Variants in FHIP1A observed in about 807,000 individuals in gnomAD.
The protein encoded by FHIP1A is FHF complex subunit HOOK-interacting protein 1A.
In FHIP1A, 61 loss-of-function variants were observed where a neutral mutation model predicts 88.6. The observed-to-expected ratio is 0.69, with a 90% CI of 0.56 to 0.85. The LOEUF is 0.85. FHIP1A is among the 40% of genes least tolerant of loss of function. The pLI is 0.00. For missense variants in FHIP1A, 1,154 were observed against 1,273.5 expected (o/e 0.91, Z 1.43); for synonymous variants, 478 against 496.0 (o/e 0.96, Z 0.48).
intron 1 of FHIP1A, among the ~76,000 whole-genome samples, chr4:151,453,820 G>C (rs575350913): frequency 7.2e-5 from 11 of 152,202 alleles, no homozygotes; most frequent in South Asian, 2.1e-4. Flanking sequence ...GGTGAGCCGA[G>C]ATAGCACCAT....
At chr4:151,593,082 G>A (rs1734500970) in intron 7 of FHIP1A, among the ~76,000 whole-genome samples, 1 of 152,150 alleles carries the variant, frequency 6.6e-6, no homozygotes, top group Admixed American at 6.5e-5. Context: ...TAGATGTGTA[G>A]CATTATTCCT....
At position 151,452,702 on chromosome 4, in the gene FHIP1A, A is replaced by C. The variant is rs372103000; in HGVS notation, c.-355-1999A>C. Among the ~76,000 whole-genome samples the C allele has an allele frequency of 7.9e-5, 12 of 152,048 alleles. 2 individuals are homozygous for C. The South Asian group carries it at 2.5e-3, about 32-fold the overall frequency. On this transcript the variant is annotated intron_variant, in intron 1 of 13. Transcript: ENST00000435205. ...TGAGGCATGAGAATTGCTTGAACCC[A>C]GTAGGCAGAGGTTGCAGTGAGCAGA...
chr4:151,426,033 A>C (rs1322677520), intron 1 of FHIP1A, among the ~76,000 whole-genome samples: 1 of 152,166 alleles, frequency 6.6e-6, no homozygotes, highest in Non-Finnish European at 1.5e-5. Flanking sequence ...TAGGAAGTGA[A>C]TATCTCTTTG....
At chr4:151,412,606 T>C (rs1217902411) in intron 1 of FHIP1A, among the ~76,000 whole-genome samples, 3 of 138,686 alleles carry the variant, frequency 2.2e-5, no homozygotes, top group African/African-American at 5.6e-5. Context: ...CTTCCTTCCT[T>C]CCTTCCTCCC....
At position 151,534,299 on chromosome 4, in the gene FHIP1A, A is replaced by G. The variant is rs189247750; in HGVS notation, c.-122-31839A>G. 3.6e-3 allele frequency among the ~76,000 whole-genome samples: 545 copies of G among 152,388 alleles called. 13 individuals carry two copies. Among genetic ancestry groups the G allele is most frequent in the Non-Finnish European group, 7.6e-4 (52 of 68,044 alleles). Reference sequence around the variant, plus strand: ...ATGTTAAAGGTATGTTACTTATAATAGAAACACTAATAGTAAACAACATCT... The same window carrying G: ...ATGTTAAAGGTATGTTACTTATAATGGAAACACTAATAGTAAACAACATCT... On this transcript the variant is annotated intron_variant, in intron 3 of 13. Coordinates refer to ENST00000435205, the MANE Select transcript of FHIP1A (RefSeq NM_001109977.3).
intron 2 of FHIP1A, among the ~76,000 whole-genome samples, chr4:151,479,609 C>T (rs1021525391): frequency 2.0e-5 from 3 of 152,128 alleles, no homozygotes; most frequent in East Asian, 1.9e-4. Context: ...TCCAGGAAAG[C>T]GTTTGATTAT....
At chr4:151,526,392 C>A (rs1228844208) in intron 3 of FHIP1A, among the ~76,000 whole-genome samples, 1 of 150,434 alleles carries the variant, frequency 6.6e-6, no homozygotes, top group Non-Finnish European at 1.5e-5. Context: ...GGGGGCTGAC[C>A]CCCCCACCTC....
chr4:151,581,702 C>A (rs530111801), intron 5 of FHIP1A, among the ~76,000 whole-genome samples: 11 of 152,024 alleles, frequency 7.2e-5, no homozygotes, highest in Non-Finnish European at 1.6e-4. Flanking sequence ...AAAAAAAAAG[C>A]CCTCTTTATG....
chr4:151,576,154 C>G (rs1301196627), intron 4 of FHIP1A, among the ~76,000 whole-genome samples: 1 of 152,164 alleles, frequency 6.6e-6, no homozygotes, highest in East Asian at 1.9e-4. Flanking sequence ...AAGTAAGTAT[C>G]TGTTGGCAGA....
intron 1 of FHIP1A, among the ~76,000 whole-genome samples, chr4:151,448,080 T>C (rs1580576990): frequency 1.3e-5 from 2 of 152,042 alleles, no homozygotes; most frequent in Non-Finnish European, 2.9e-5. Context: ...GGCTAATTTT[T>C]TTGGTATTTT....
intron 7 of FHIP1A, among the ~76,000 whole-genome samples, chr4:151,623,912 A>G (rs1021728733): frequency 2.6e-5 from 4 of 152,168 alleles, no homozygotes; most frequent in Non-Finnish European, 5.9e-5. Context: ...TAGACCTCAC[A>G]TAAGTTCAGG....
At chr4:151,450,770 T>C (rs1237291484) in intron 1 of FHIP1A, among the ~76,000 whole-genome samples, 2 of 152,124 alleles carry the variant, frequency 1.3e-5, no homozygotes, top group Non-Finnish European at 2.9e-5. Flanking sequence ...TTAATTTTCT[T>C]TCTTTATCTC....
At chr4:151,505,844 T>A (rs1730819929) in intron 3 of FHIP1A, among the ~76,000 whole-genome samples, 1 of 152,206 alleles carries the variant, frequency 6.6e-6, no homozygotes, top group Non-Finnish European at 1.5e-5. Flanking sequence ...AGATTTTCTG[T>A]CCATCTATAA....
chr4:151,491,980 AC>A (rs1730299399), intron 3 of FHIP1A, among the ~76,000 whole-genome samples: 1 of 152,162 alleles, frequency 6.6e-6, no homozygotes, highest in Non-Finnish European at 1.5e-5. Context: ...TGCACCTAAC[AC>A]TGGAGCTCCC....
chr4:151,536,659 G>A (rs1161662618), intron 3 of FHIP1A, among the ~76,000 whole-genome samples: 1 of 152,146 alleles, frequency 6.6e-6, no homozygotes, highest in Non-Finnish European at 1.5e-5. Context: ...TTATTGCTGA[G>A]TGGTATTTCA....
At chr4:151,546,572 A>C (rs756767586) in intron 3 of FHIP1A, among the ~76,000 whole-genome samples, 5 of 152,354 alleles carry the variant, frequency 3.3e-5, no homozygotes, top group South Asian at 4.1e-4. Flanking sequence ...TTGCTTTCAC[A>C]GAGTTTGTAG....
At chr4:151,661,448 G>A (rs1271472978) in intron 13 of FHIP1A, among the ~76,000 whole-genome samples, 2 of 149,288 alleles carry the variant, frequency 1.3e-5, no homozygotes, top group African/African-American at 5.0e-5. Context: ...CTATAGTAGT[G>A]AGATGTGGAA....
In FHIP1A at chr4:151,629,803, A is replaced by C; in HGVS notation, c.1080A>C (p.Leu360=). 1 of 1,551,380 alleles carries C rather than the reference A, an allele frequency of 6.4e-7. No homozygotes were observed. The highest frequency in any genetic ancestry group is 8.7e-7 in the Non-Finnish European group (1 of 1,146,834). ...TTGAGATCTTCCTCCGTTTTATCCTATTGCACCAGCACGAGAATGTCCACA... is the reference window on the plus strand; with the variant it reads ...TTGAGATCTTCCTCCGTTTTATCCTCTTGCACCAGCACGAGAATGTCCACA... ...ALLEIFLRFI[L]LHQHENVHIL... The change falls in exon 8 of 14, where the codon CTA becomes CTC. Residue 360 remains leucine, a synonymous_variant. Coordinates refer to ENST00000435205, the MANE Select transcript of FHIP1A (RefSeq NM_001109977.3).
At chr4:151,610,341 AC>A (rs1364480978) in intron 7 of FHIP1A, among the ~76,000 whole-genome samples, 1 of 152,152 alleles carries the variant, frequency 6.6e-6, no homozygotes, top group African/African-American at 2.4e-5. Flanking sequence ...TTTTGTTCCC[AC>A]TCCATGCCAC....
Sources: gnomAD v4.1 joint callset for allele counts (sites outside exome capture counted in the v4.1 genomes callset) on GRCh38, gnomAD v4.1.1 for gene constraint, MANE v1.5 for transcripts, NCBI Gene and HGNC (gene_info 2026-07-23, HGNC 2026-07-21) for gene names.